DLGAP1: variants seen among roughly 807,000 people sequenced by gnomAD.
DLGAP1 encodes the protein DLG associated protein 1.
A neutral mutation model predicts 90.8 loss-of-function variants in DLGAP1; 11 were observed. That is an observed-to-expected ratio of 0.12 (90% CI 0.08 to 0.20). DLGAP1 has a LOEUF of 0.20. Among genes scored for constraint, DLGAP1 ranks in the 10% least tolerant of loss-of-function variants. DLGAP1 has a pLI of 1.00. For missense variants in DLGAP1, 1,050 were observed against 1,333.8 expected, an observed-to-expected ratio of 0.79 and a Z score of 3.31; for synonymous variants, 558 against 540.7, an observed-to-expected ratio of 1.03 and a Z score of -0.44.
rs1213142301 is a variant in DLGAP1, at chr18:3,880,128, C to G, written c.-60G>C. 6.7e-7 allele frequency: 1 copy of G among 1,503,328 alleles called. No homozygotes were observed. Among genetic ancestry groups the G allele is most frequent in the Non-Finnish European group, 9.1e-7 (1 of 1,097,326 alleles). The allele number at this position is 1,503,328 out of a possible 1,614,324, so 93.1% of individuals were successfully genotyped here. On this transcript the variant is annotated 5_prime_UTR_variant, in exon 4 of 13. Transcript: ENST00000315677. ...CCCGGAAGTCAGGCTCCAGACCCGT[C>G]TTGGGCAGGGATCTGGGGGAATGAA... is the stretch of plus-strand genomic sequence containing the variant.
chr18:4,057,389 T>A (rs190380987), intron 2 of DLGAP1, among the ~76,000 whole-genome samples: 1 of 152,188 alleles, frequency 6.6e-6, no homozygotes, highest in African/African-American at 2.4e-5. Flanking sequence ...CAAGTGAGCA[T>A]GTGTACAACT....
intron 7 of DLGAP1, among the ~76,000 whole-genome samples, chr18:3,617,909 C>T (rs1013449326): frequency 1.3e-5 from 2 of 151,968 alleles, no homozygotes; most frequent in African/African-American, 2.4e-5. Context: ...TGGTGGCAGG[C>T]GCCTGTAATC....
chr18:4,022,451 A>C (rs564637492), intron 2 of DLGAP1, among the ~76,000 whole-genome samples: 1 of 151,756 alleles, frequency 6.6e-6, no homozygotes, highest in African/African-American at 2.4e-5. Context: ...AGATGTGAAA[A>C]ATTTTTGCAT....
intron 3 of DLGAP1, among the ~76,000 whole-genome samples, chr18:3,963,487 T>C (rs1205156635): frequency 6.6e-6 from 1 of 152,110 alleles, no homozygotes; most frequent in Non-Finnish European, 1.5e-5. Context: ...CCAGGTCCCT[T>C]TCTTGTACAG....
rs371938857 is a variant in DLGAP1 at position 3,517,766 on chromosome 18, G to C, written c.2480-9105C>G. 6.6e-6 allele frequency among the ~76,000 whole-genome samples: 1 copy of C among 150,920 alleles called. No homozygotes were observed. Among genetic ancestry groups the C allele is most frequent in the Non-Finnish European group, 1.5e-5 (1 of 67,952 alleles). Reference sequence around the variant, plus strand: ...CGGGAGGCAGAGGTTGCAGTGAGCCGAGATCGTGCCATTGCACTCCAGCCT... The same window carrying C: ...CGGGAGGCAGAGGTTGCAGTGAGCCCAGATCGTGCCATTGCACTCCAGCCT... On this transcript the variant is annotated intron_variant, in intron 10 of 12. Transcript: ENST00000315677. This position sits in a 1 kb window ranked among gnomAD's most constrained non-coding sequence, Gnocchi z 4.1.
chr18:3,601,301 G>A (rs978836809), intron 7 of DLGAP1, among the ~76,000 whole-genome samples: 4 of 151,858 alleles, frequency 2.6e-5, no homozygotes, highest in African/African-American at 9.7e-5. Context: ...GATCAGGCTG[G>A]TCTCGAACTC....
chr18:4,415,919 T>C (rs952248261), intron 1 of DLGAP1, among the ~76,000 whole-genome samples: 1 of 152,186 alleles, frequency 6.6e-6, no homozygotes, highest in African/African-American at 2.4e-5. Flanking sequence ...GAGAATTGGT[T>C]TTAGTTTTTC....
At chr18:4,093,712 T>G (rs2075626209) in intron 2 of DLGAP1, among the ~76,000 whole-genome samples, 1 of 152,218 alleles carries the variant, frequency 6.6e-6, no homozygotes, top group African/African-American at 2.4e-5. Flanking sequence ...GTTAGGGGCA[T>G]GGTAGCTGTT....
At chr18:3,871,265 GATT>G (rs2070732820) in intron 4 of DLGAP1, among the ~76,000 whole-genome samples, 1 of 152,172 alleles carries the variant, frequency 6.6e-6, no homozygotes, top group Admixed American at 6.5e-5. Flanking sequence ...TTTACAAGGA[GATT>G]ATTAGATGAA....
chr18:3,577,965 T>A (rs761579981), intron 8 of DLGAP1, among the ~76,000 whole-genome samples: 4 of 152,236 alleles, frequency 2.6e-5, no homozygotes, highest in Non-Finnish European at 4.4e-5. Context: ...TAAAGGACAA[T>A]ATTAATCATA....
chr18:3,676,274 G>A (rs1235695837), intron 7 of DLGAP1, among the ~76,000 whole-genome samples: 1 of 152,222 alleles, frequency 6.6e-6, no homozygotes, highest in South Asian at 2.1e-4. Context: ...CTATGTAAAT[G>A]TCACACTTAA....
Position 4,344,183 on chromosome 18 carries a change from A to C in DLGAP1, c.-267+110823T>G, listed in dbSNP as rs142736098. Among the ~76,000 whole-genome samples the C allele has an allele frequency of 3.4e-3, 511 of 152,300 alleles. 4 individuals are homozygous for C. Among genetic ancestry groups the C allele is most frequent in the African/African-American group, 0.012 (488 of 41,562 alleles). On this transcript the variant is annotated intron_variant, in intron 1 of 12. Transcript: ENST00000315677. ...TAATTATAATGATGACAGTAGTGAT[A>C]ATGTTAGTAGTAGCTAACATGTATT...
intron 7 of DLGAP1, among the ~76,000 whole-genome samples, chr18:3,636,725 T>A (rs1205993851): frequency 9.6e-6 from 1 of 103,916 alleles, no homozygotes; most frequent in Non-Finnish European, 1.7e-5. Flanking sequence ...CACTTTTACA[T>A]CTTTTTTTTT....
chr18:3,846,142 T>A (rs2069001074), intron 4 of DLGAP1, among the ~76,000 whole-genome samples: 1 of 151,946 alleles, frequency 6.6e-6, no homozygotes, highest in Admixed American at 6.6e-5. Context: ...TTTCACTTTA[T>A]AAGTTTTAAG....
At chr18:4,261,208 T>G (rs1330242319) in intron 1 of DLGAP1, among the ~76,000 whole-genome samples, 1 of 152,136 alleles carries the variant, frequency 6.6e-6, no homozygotes, top group Non-Finnish European at 1.5e-5. Context: ...CTGCTGTGCC[T>G]GAAAAGAAGC....
rs181822778 is a variant in DLGAP1, at chr18:4,055,054, T to G, written c.-158-49853A>C. ...TTTCCGTTCTCAAGGAGATTTTTAG[T>G]CAAGGAAAATATAGGTCCGCACATA... On this transcript the variant is annotated intron_variant, in intron 2 of 12. Coordinates refer to ENST00000315677, the MANE Select transcript of DLGAP1 (RefSeq NM_004746.4). 7.2e-5 allele frequency among the ~76,000 whole-genome samples: 11 copies of G among 152,266 alleles called. No homozygotes were observed. The East Asian group carries it at 1.9e-3, about 27-fold the overall frequency.
At chr18:4,451,650 AAAAG>A (rs977358218) in intron 1 of DLGAP1, among the ~76,000 whole-genome samples, 2 of 152,220 alleles carry the variant, frequency 1.3e-5, no homozygotes, top group African/African-American at 2.4e-5. Flanking sequence ...TGCTTCGGAA[AAAAG>A]AAAGAAAAAA....
At chr18:4,204,206 A>G (rs115816977) in intron 1 of DLGAP1, among the ~76,000 whole-genome samples, 2,199 of 152,334 alleles carry the variant, frequency 0.014, 68 homozygotes, top group African/African-American at 0.047. Context: ...GAGTTTGAAT[A>G]GGTACTAAGG....
intron 1 of DLGAP1, among the ~76,000 whole-genome samples, chr18:4,384,568 T>A (rs535237090): frequency 1.3e-5 from 2 of 152,178 alleles, no homozygotes; most frequent in Non-Finnish European, 2.9e-5. Flanking sequence ...TCCTTTGTTA[T>A]TTTTTAACAT....
Sources: allele counts gnomAD v4.1 joint callset (sites outside exome capture counted in the v4.1 genomes callset), GRCh38; gene constraint gnomAD v4.1.1; non-coding constraint Gnocchi (gnomAD v3.1); transcripts MANE v1.5; gene names NCBI Gene and HGNC (gene_info 2026-07-23, HGNC 2026-07-21).